USP13: variants seen among roughly 807,000 people sequenced by gnomAD.
The protein encoded by USP13 is ubiquitin carboxyl-terminal hydrolase 13.
In USP13, 68 loss-of-function variants were observed where a neutral mutation model predicts 107.8. The ratio of observed to expected loss-of-function variants is 0.63; its 90% CI spans 0.52 to 0.77. The LOEUF (loss-of-function observed/expected upper bound fraction) is 0.77. Ranked by LOEUF, USP13 falls within the 30% of genes least tolerant of loss-of-function variation. The pLI is 0.00. For synonymous variants in USP13, 377 were observed against 389.5 expected (o/e 0.97, Z 0.38); for missense variants, 945 against 1,093.3 (o/e 0.86, Z 1.91).
At chr3:179,687,659 C>CAAAA (rs71182509) in intron 2 of USP13, among the ~76,000 whole-genome samples, 200 of 18,518 alleles carry the variant, frequency 0.011, 36 homozygotes, top group African/African-American at 0.012. Flanking sequence ...AACTCTGTCT[C>CAAAA]AAAAAAAAAA....
chr3:179,766,754 G>A (rs1273120673), intron 19 of USP13, among the ~76,000 whole-genome samples: 1 of 152,188 alleles, frequency 6.6e-6, no homozygotes, highest in African/African-American at 2.4e-5. Context: ...CTTGCCAAAG[G>A]CCACACAGCT....
chr3:179,657,744 C>T (rs557451226), intron 1 of USP13, among the ~76,000 whole-genome samples: 25 of 105,628 alleles, frequency 2.4e-4, no homozygotes, highest in Non-Finnish European at 3.9e-4. Context: ...AGCCTGGTGA[C>T]AGAGGGGAAT....
chr3:179,713,706 G>A (rs775061635), intron 6 of USP13, among the ~76,000 whole-genome samples: 4 of 152,140 alleles, frequency 2.6e-5, no homozygotes, highest in Admixed American at 1.3e-4. Flanking sequence ...CGCTTGACCA[G>A]TACATTCCTT....
chr3:179,700,889 A>C, intron 3 of USP13, 119 bp from the exon 4 acceptor site: 1 of 1,257,706 alleles, frequency 8.0e-7, no homozygotes, highest in Non-Finnish European at 1.1e-6. Flanking sequence ...AAAGTTGTAA[A>C]TGTCACACCC....
chr3:179,750,878 T>A (rs1455903777), intron 13 of USP13, among the ~76,000 whole-genome samples: 1 of 152,136 alleles, frequency 6.6e-6, no homozygotes, highest in Non-Finnish European at 1.5e-5. Context: ...AAGACCCACA[T>A]CCACATCGTT....
intron 4 of USP13, among the ~76,000 whole-genome samples, chr3:179,701,899 G>C (rs1712538067): frequency 6.6e-6 from 1 of 152,224 alleles, no homozygotes; most frequent in South Asian, 2.1e-4. Context: ...TCGCGTGCTG[G>C]AAGTGGGCGC....
rs989112840 is a variant in USP13 at position 179,761,173 on chromosome 3, A to G, written c.2010A>G (p.Ala670=). 6.2e-7 allele frequency: 1 copy of G among 1,614,202 alleles called. No individual in the cohort carries two copies. The highest frequency in any genetic ancestry group is 8.5e-7 in the Non-Finnish European group (1 of 1,180,042). Residue 670 remains alanine (A), a synonymous_variant, in exon 17 of 21, where the codon GCA becomes GCG. Coordinates refer to ENST00000263966, the MANE Select transcript of USP13 (RefSeq NM_003940.3). The stretch of plus-strand genomic sequence containing the variant: ...CCGAGATGGGTTTCCCGCTGGAAGC[A>G]TGTCGCAAGGCTGTGTACTTCACTG... The part of the protein sequence containing the change: ...QLAEMGFPLE[A]CRKAVYFTGN...
At chr3:179,778,490 A>G (rs1715622325) in intron 19 of USP13, among the ~76,000 whole-genome samples, 1 of 152,210 alleles carries the variant, frequency 6.6e-6, no homozygotes, top group African/African-American at 2.4e-5. Flanking sequence ...GTGGCTGGGC[A>G]TGGTGGCTCA....
Position 179,696,066 on chromosome 3 carries a change from G to A in USP13, c.356-4942G>A, listed in dbSNP as rs568073483. The stretch of plus-strand genomic sequence containing the variant: ...TTGTAAAGCTGGAGTTTTTTTTAGT[G>A]GTTTCTGTGGTAAAAGTCAAGCACC... On this transcript the variant is annotated intron_variant, in intron 3 of 20. Coordinates refer to ENST00000263966, the MANE Select transcript of USP13 (RefSeq NM_003940.3). 6.6e-5 allele frequency among the ~76,000 whole-genome samples: 10 copies of A among 152,152 alleles called. No homozygotes were observed. In the South Asian group the frequency reaches 2.1e-3, roughly 32 times the overall value.
chr3:179,763,969 A>AG (rs769648131), intron 17 of USP13, 33 bp from the exon 18 acceptor site: 3 of 1,533,480 alleles, frequency 2.0e-6, no homozygotes, highest in African/African-American at 1.4e-5. Context: ...AAAAAAAAAA[A>AG]GGAAAAGACT....
rs1409092176 is a variant in USP13 at position 179,699,743 on chromosome 3, TTTATTTTA to T, written c.356-1262_356-1255del. Among the ~76,000 whole-genome samples the T allele has an allele frequency of 4.0e-3, 546 of 134,824 alleles. 3 individuals carry two copies. The highest frequency in any genetic ancestry group is 0.015 in the African/African-American group (501 of 34,008). 88.4% of individuals were successfully genotyped at this position (134,824 alleles called of 152,430 possible). A position where few individuals can be genotyped will look rare whatever the true frequency, so the allele number is the denominator to read the frequency against. ...TAGATTGCATTTTAGCTGTATCTTATTTATTTTATTTATTTATTTATTTATTTATTTAT... is the reference window on the plus strand; with the variant it reads ...TAGATTGCATTTTAGCTGTATCTTATTTTATTTATTTATTTATTTATTTAT... On this transcript the variant is annotated intron_variant, in intron 3 of 20. Coordinates refer to ENST00000263966, the MANE Select transcript of USP13 (RefSeq NM_003940.3).
At chr3:179,760,998 C>G in intron 16 of USP13, 114 bp from the exon 17 acceptor site, 2 of 1,308,750 alleles carry the variant, frequency 1.5e-6, no homozygotes, top group South Asian at 2.8e-5. Flanking sequence ...ATTATCTACA[C>G]CCAACAGAAT....
chr3:179,728,542 C>T lies in USP13; in HGVS notation c.1089-1647C>T, dbSNP rs745344576. ...GGCTCCTCACATCCCAGACGATGGG[C>T]GGCCAGGCAGAGACACTCCTCACTT... On this transcript the variant is annotated intron_variant, in intron 8 of 20. Transcript: ENST00000263966. 7.8e-3 allele frequency among the ~76,000 whole-genome samples: 1,173 copies of T among 151,250 alleles called. 11 individuals carry two copies. The highest frequency in any genetic ancestry group is 0.014 in the Middle Eastern group (4 of 292).
chr3:179,676,932 C>G (rs1711504215), intron 1 of USP13, among the ~76,000 whole-genome samples: 1 of 152,046 alleles, frequency 6.6e-6, no homozygotes, highest in African/African-American at 2.4e-5. Flanking sequence ...GATCTCGGCT[C>G]ACTGCAATCT....
chr3:179,691,976 T>C (rs1394278639), intron 3 of USP13, among the ~76,000 whole-genome samples: 1 of 152,240 alleles, frequency 6.6e-6, no homozygotes, highest in Non-Finnish European at 1.5e-5. Flanking sequence ...ATTGTTTCCA[T>C]AGTATGATTT....
chr3:179,659,952 A>T (rs995684947), intron 1 of USP13, among the ~76,000 whole-genome samples: 1 of 152,168 alleles, frequency 6.6e-6, no homozygotes, highest in Non-Finnish European at 1.5e-5. Context: ...TGAGGCAGGG[A>T]GAATCGCTTG....
intron 20 of USP13, among the ~76,000 whole-genome samples, chr3:179,783,215 A>G (rs546319650): frequency 2.2e-4 from 34 of 152,268 alleles, no homozygotes; most frequent in African/African-American, 7.9e-4. Flanking sequence ...TTATAAATAT[A>G]AAAATATACA....
At chr3:179,663,553 T>C (rs1402403156) in intron 1 of USP13, among the ~76,000 whole-genome samples, 1 of 152,208 alleles carries the variant, frequency 6.6e-6, no homozygotes, top group East Asian at 1.9e-4. Context: ...CTTTCTCACC[T>C]GGACTGTGGC....
intron 9 of USP13, 25 bp from the exon 10 acceptor site, chr3:179,730,590 TG>T: frequency 7.3e-6 from 9 of 1,239,528 alleles, no homozygotes; most frequent in Non-Finnish European, 1.0e-5. Context: ...ATGACCTTTT[TG>T]TTTCTGTTTC....
Sources: allele counts gnomAD v4.1 joint callset (sites outside exome capture counted in the v4.1 genomes callset), GRCh38; gene constraint gnomAD v4.1.1; transcripts MANE v1.5; gene names NCBI Gene and HGNC (gene_info 2026-07-23, HGNC 2026-07-21).